Variants in RIT2 observed in about 807,000 individuals in gnomAD.
RIT2 encodes the protein Ras like without CAAX 2.
RIT2 carries 24 observed loss-of-function variants against 23.7 expected under a neutral mutation model. The observed-to-expected ratio is 1.01, with a 90% CI of 0.73 to 1.43. RIT2 has a LOEUF of 1.43. Among genes scored for constraint, RIT2 ranks in the 40% most tolerant of loss-of-function variants. The pLI, the probability that RIT2 is intolerant of heterozygous loss-of-function variation, is 0.00. For missense variants in RIT2, 236 were observed against 266.9 expected, an observed-to-expected ratio of 0.88 and a Z score of 0.81; for synonymous variants, 107 against 91.1, an observed-to-expected ratio of 1.17 and a Z score of -0.99.
At chr18:42,932,568 T>A (rs1909352849) in intron 3 of RIT2, among the ~76,000 whole-genome samples, 1 of 152,200 alleles carries the variant, frequency 6.6e-6, no homozygotes, top group African/African-American at 2.4e-5. Context: ...GGCCTGATCA[T>A]AAAAGCTGTC....
intron 4 of RIT2, among the ~76,000 whole-genome samples, chr18:42,874,486 A>G (rs1944413): frequency 0.13 from 19,822 of 152,156 alleles, 1,336 homozygotes; most frequent in Middle Eastern, 0.26. Flanking sequence ...AACTGTTTAC[A>G]TTTGCATTGT....
At chr18:43,058,639 C>A (rs975640442) in intron 1 of RIT2, among the ~76,000 whole-genome samples, 3 of 152,042 alleles carry the variant, frequency 2.0e-5, no homozygotes, top group African/African-American at 4.8e-5. Context: ...GTAATTCCAG[C>A]ACTTTGGGAG....
At chr18:42,931,359 C>A (rs1265674716) in intron 3 of RIT2, among the ~76,000 whole-genome samples, 2 of 152,070 alleles carry the variant, frequency 1.3e-5, no homozygotes, top group Non-Finnish European at 2.9e-5. Flanking sequence ...ACATGTAAAG[C>A]CAGGTCTAGT....
chr18:42,934,529 A>C (rs1909405843), intron 3 of RIT2, among the ~76,000 whole-genome samples: 2 of 152,182 alleles, frequency 1.3e-5, no homozygotes, highest in African/African-American at 4.8e-5. Flanking sequence ...TGTTTGTGAG[A>C]TGCCTCAAGA....
At chr18:43,066,610 A>G (rs1457965269) in intron 1 of RIT2, among the ~76,000 whole-genome samples, 2 of 152,156 alleles carry the variant, frequency 1.3e-5, no homozygotes, top group Non-Finnish European at 2.9e-5. Context: ...TCATAAAGAA[A>G]CTCATGGTTT....
intron 3 of RIT2, among the ~76,000 whole-genome samples, chr18:42,952,546 G>A (rs1449540593): frequency 1.3e-5 from 2 of 151,880 alleles, no homozygotes; most frequent in African/African-American, 2.4e-5. Context: ...GTTTTTATCT[G>A]CCCCAAAAAA....
In RIT2 at chr18:42,898,516, A is replaced by G. The variant is rs535799400; in HGVS notation, c.426+25056T>C. The stretch of plus-strand genomic sequence containing the variant: ...CAAAAACAAAAGAAGCAAGCATGAC[A>G]TTATTACTGTAACAATATAATATCA... On this transcript the variant is annotated intron_variant, in intron 4 of 4. Coordinates refer to ENST00000326695, the MANE Select transcript of RIT2 (RefSeq NM_002930.4). Among the ~76,000 whole-genome samples the G allele has an allele frequency of 4.9e-4, 74 of 152,336 alleles. 1 individual carries two copies. The highest frequency in any genetic ancestry group is 7.3e-5 in the Non-Finnish European group (5 of 68,028).
At position 42,827,744 on chromosome 18, in the gene RIT2, G is replaced by A. The variant is rs189668269; in HGVS notation, c.427-84024C>T. Among the ~76,000 whole-genome samples, 143 of 152,196 alleles carry A rather than the reference G, an allele frequency of 9.4e-4. 2 individuals carry two copies. The highest frequency in any genetic ancestry group is 6.8e-3 in the Middle Eastern group (2 of 294). On this transcript the variant is annotated intron_variant, in intron 4 of 4. Transcript: ENST00000326695. ...ATGTAGGCCAGGCGTGGTGGCTCAT[G>A]CCTGCAATCCCAGCACTTTGGGAGG...
intron 3 of RIT2, among the ~76,000 whole-genome samples, chr18:42,932,256 C>T (rs922283165): frequency 6.6e-6 from 1 of 152,240 alleles, no homozygotes; most frequent in South Asian, 2.1e-4. Flanking sequence ...TATACTTCAT[C>T]CTCCAGCTTA....
intron 2 of RIT2, among the ~76,000 whole-genome samples, chr18:43,019,060 T>C (rs887163055): frequency 6.6e-6 from 1 of 151,948 alleles, no homozygotes; most frequent in African/African-American, 2.4e-5. Context: ...TAATCTTGAA[T>C]AGAAACAGAT....
chr18:42,968,644 T>C (rs1309352852), intron 3 of RIT2, among the ~76,000 whole-genome samples: 1 of 152,228 alleles, frequency 6.6e-6, no homozygotes, highest in Non-Finnish European at 1.5e-5. Context: ...TGGCTGTATT[T>C]TTAACTGTTC....
intron 4 of RIT2, among the ~76,000 whole-genome samples, chr18:42,821,757 A>T (rs1906156708): frequency 6.6e-6 from 1 of 152,148 alleles, no homozygotes; most frequent in Non-Finnish European, 1.5e-5. Flanking sequence ...TCATTCAGTA[A>T]ATACTTACTA....
intron 4 of RIT2, among the ~76,000 whole-genome samples, chr18:42,794,081 G>A (rs1311310767): frequency 1.3e-5 from 2 of 152,032 alleles, no homozygotes; most frequent in African/African-American, 4.8e-5. Context: ...AAGAAAGAAT[G>A]CGGTTATCTC....
chr18:42,770,308 G>C (rs1052682153), intron 4 of RIT2, among the ~76,000 whole-genome samples: 5 of 152,218 alleles, frequency 3.3e-5, no homozygotes, highest in Non-Finnish European at 5.9e-5. Context: ...CAACGACCTA[G>C]AGGCATAGCT....
At chr18:42,908,977 T>A (rs1598710298) in intron 4 of RIT2, among the ~76,000 whole-genome samples, 1 of 152,098 alleles carries the variant, frequency 6.6e-6, no homozygotes, top group African/African-American at 2.4e-5. Context: ...CTATTGAGTA[T>A]CTATCCAAAG....
intron 4 of RIT2, among the ~76,000 whole-genome samples, chr18:42,812,568 C>T (rs991882718): frequency 1.3e-5 from 2 of 152,084 alleles, no homozygotes; most frequent in African/African-American, 4.8e-5. Flanking sequence ...TTTAAGTGTT[C>T]TACTCCTAGG....
intron 4 of RIT2, among the ~76,000 whole-genome samples, chr18:42,866,700 T>C (rs1267070098): frequency 1.3e-5 from 2 of 152,000 alleles, no homozygotes; most frequent in African/African-American, 2.4e-5. Flanking sequence ...TCAGACATTA[T>C]ATGAATGTCA....
chr18:43,103,983 C>T (rs1050586354), intron 1 of RIT2, among the ~76,000 whole-genome samples: 6 of 152,062 alleles, frequency 3.9e-5, no homozygotes, highest in South Asian at 4.2e-4. Flanking sequence ...TACCTACACC[C>T]CCAAGTTTAT....
At chr18:42,929,389 A>G (rs1468655731) in intron 3 of RIT2, among the ~76,000 whole-genome samples, 1 of 152,048 alleles carries the variant, frequency 6.6e-6, no homozygotes. Flanking sequence ...TCATAGTCAT[A>G]CTCAATAATA....
Sources: gnomAD v4.1 joint callset for allele counts (sites outside exome capture counted in the v4.1 genomes callset) on GRCh38, gnomAD v4.1.1 for gene constraint, MANE v1.5 for transcripts, NCBI Gene and HGNC (gene_info 2026-07-23, HGNC 2026-07-21) for gene names.